GCSAML: variants seen among roughly 807,000 people sequenced by gnomAD.
GCSAML encodes germinal center associated signaling and motility like, also known as germinal center-associated signaling and motility-like protein.
A neutral mutation model predicts 13.0 loss-of-function variants in GCSAML; 9 were observed. That is an observed-to-expected ratio of 0.69 (90% CI 0.42 to 1.21). The LOEUF is 1.21. Among genes scored for constraint, GCSAML ranks in the 50% most tolerant of loss-of-function variants. GCSAML has a pLI of 0.00. For synonymous variants in GCSAML, 37 were observed against 52.9 expected (o/e 0.70, Z 1.31); for missense variants, 143 against 153.4 (o/e 0.93, Z 0.36).
intron 4 of GCSAML, among the ~76,000 whole-genome samples, chr1:247,567,421 T>C (rs1405389651): frequency 6.6e-6 from 1 of 152,134 alleles, no homozygotes; most frequent in Non-Finnish European, 1.5e-5. Flanking sequence ...AGTGGGAACA[T>C]GCAGTGTGTG....
chr1:247,546,948 A>G (rs1166463740), upstream of GCSAML, among the ~76,000 whole-genome samples: 1 of 123,526 alleles, frequency 8.1e-6, no homozygotes, highest in Admixed American at 7.6e-5. Context: ...AAAAAAAAAA[A>G]AAAGATTAGC....
At chr1:247,538,004 AT>A (rs1275286720) in intron 2 of GCSAML, among the ~76,000 whole-genome samples, 5 of 150,472 alleles carry the variant, frequency 3.3e-5, no homozygotes, top group Non-Finnish European at 7.4e-5. Flanking sequence ...ATGAAGACTA[AT>A]TTATCTATTT....
chr1:247,544,378 T>C (rs1667500970), upstream of GCSAML, among the ~76,000 whole-genome samples: 1 of 152,242 alleles, frequency 6.6e-6, no homozygotes, highest in African/African-American at 2.4e-5. Context: ...TCTGTTCATA[T>C]AACAGCTTCT....
intron 2 of GCSAML, chr1:247,532,284 C>T (rs143777369): frequency 6.8e-6 from 11 of 1,614,006 alleles, no homozygotes; most frequent in African/African-American, 1.3e-5. Context: ...GGACAATGCT[C>T]GTGGTGAAGC....
chr1:247,570,806 G>C lies in GCSAML; in HGVS notation c.169-3337G>C, dbSNP rs187050285. Among the ~76,000 whole-genome samples, 220 of 152,130 alleles carry C rather than the reference G, an allele frequency of 1.4e-3. 1 individual carries two copies. Among genetic ancestry groups the C allele is most frequent in the African/African-American group, 5.1e-3 (213 of 41,492 alleles). On this transcript the variant is annotated intron_variant, in intron 4 of 4. Coordinates refer to ENST00000366488, the MANE Select transcript of GCSAML (RefSeq NM_145278.5). ...TTGATCTGTCTAATATTGACAGTGG[G>C]GTGTTAAAATCTCCCACTATTGTTG... is the stretch of plus-strand genomic sequence containing the variant.
intron 2 of GCSAML, among the ~76,000 whole-genome samples, chr1:247,544,039 A>T (rs1667489952): frequency 6.6e-6 from 1 of 152,218 alleles, no homozygotes; most frequent in African/African-American, 2.4e-5. Flanking sequence ...GCACCAGAGC[A>T]TTGAAAAACA....
At chr1:247,545,986 G>A (rs977387937), upstream of GCSAML, among the ~76,000 whole-genome samples, 1 of 151,980 alleles carries the variant, frequency 6.6e-6, no homozygotes, top group Non-Finnish European at 1.5e-5. Context: ...AGAGCTACAA[G>A]GAAACTGTCG....
intron 1 of GCSAML, among the ~76,000 whole-genome samples, chr1:247,554,280 TATTATACATAA>T (rs1347516921): frequency 6.6e-6 from 1 of 152,208 alleles, no homozygotes; most frequent in African/African-American, 2.4e-5. Flanking sequence ...CCATAATGTT[TATTATACATAA>T]TTCTTCATCA....
At position 247,566,029 on chromosome 1, in the gene GCSAML, A is replaced by G. The variant is rs1668341752; in HGVS notation, c.168+70A>G. 5.8e-6 allele frequency: 6 copies of G among 1,043,344 alleles called. No homozygotes were observed. In the East Asian group the frequency reaches 1.6e-4, roughly 28 times the overall value. 64.6% of individuals were successfully genotyped at this position (1,043,344 alleles called of 1,614,324 possible). ...TTATTATGTTTGTCTGATAAATGCCAAAATACAGATGATTTATTCAAGAGT... is the reference window on the plus strand; with the variant it reads ...TTATTATGTTTGTCTGATAAATGCCGAAATACAGATGATTTATTCAAGAGT... On this transcript the variant is annotated intron_variant, in intron 4 of 4. Coordinates refer to ENST00000366488, the MANE Select transcript of GCSAML (RefSeq NM_145278.5).
chr1:247,542,104 T>C (rs1435231670), intron 2 of GCSAML, among the ~76,000 whole-genome samples: 1 of 152,004 alleles, frequency 6.6e-6, no homozygotes, highest in Middle Eastern at 3.2e-3. Context: ...CCGCAACTAA[T>C]TTATTTTAGA....
chr1:247,550,726 A>G (rs1240522736), intron 1 of GCSAML, among the ~76,000 whole-genome samples: 1 of 152,188 alleles, frequency 6.6e-6, no homozygotes, highest in Non-Finnish European at 1.5e-5. Flanking sequence ...TCTGGGCAGT[A>G]GATGGAGGAC....
At chr1:247,522,091 C>T (rs1422139335) in intron 1 of GCSAML, among the ~76,000 whole-genome samples, 3 of 151,124 alleles carry the variant, frequency 2.0e-5, no homozygotes, top group Non-Finnish European at 4.4e-5. Flanking sequence ...AAGTGAGGAG[C>T]CCCTCCGCCT....
At chr1:247,520,004 C>T (rs1045224991) in intron 1 of GCSAML, among the ~76,000 whole-genome samples, 6 of 152,248 alleles carry the variant, frequency 3.9e-5, no homozygotes, top group South Asian at 2.1e-4. Context: ...CATGCATTTT[C>T]ACCTTTTGAC....
At chr1:247,510,213 T>C (rs1665981854) in intron 1 of GCSAML, among the ~76,000 whole-genome samples, 1 of 152,230 alleles carries the variant, frequency 6.6e-6, no homozygotes. Context: ...ATTCAGCTTC[T>C]TCTTGGTTTA....
In GCSAML at chr1:247,567,064, A is replaced by T. The variant is rs187924663; in HGVS notation, c.168+1105A>T. Among the ~76,000 whole-genome samples, 197 of 151,142 alleles carry T rather than the reference A, an allele frequency of 1.3e-3. 2 individuals are homozygous for T. The highest frequency in any genetic ancestry group is 3.6e-3 in the Admixed American group (54 of 15,180). On this transcript the variant is annotated intron_variant, in intron 4 of 4. Transcript: ENST00000366488. ...TTAGTAGAAGCTTGGAGTGCAGTTT[A>T]TGCTGCTATAATGAGGTCTCTAAGA...
In GCSAML at chr1:247,556,390, T is replaced by G; in HGVS notation, c.30-17T>G. 6.3e-7 allele frequency: 1 copy of G among 1,591,318 alleles called. No individual in the cohort carries two copies. Among genetic ancestry groups the G allele is most frequent in the Non-Finnish European group, 8.6e-7 (1 of 1,161,438 alleles). Reference sequence around the variant, plus strand: ...GGCAGTAACAATCTCTCTTTTTTCTTATGTGTTTCCATATAGTTGCCTGGG... The same window carrying G: ...GGCAGTAACAATCTCTCTTTTTTCTGATGTGTTTCCATATAGTTGCCTGGG... On this transcript the variant is annotated splice_polypyrimidine_tract_variant and intron_variant, in intron 1 of 4. Transcript: ENST00000366488.
chr1:247,567,125 G>A (rs1267543513), intron 4 of GCSAML, among the ~76,000 whole-genome samples: 1 of 149,574 alleles, frequency 6.7e-6, no homozygotes, highest in East Asian at 1.9e-4. Flanking sequence ...TTTTTTTCTA[G>A]AAACATTTCT....
intron 4 of GCSAML, among the ~76,000 whole-genome samples, chr1:247,572,864 C>T (rs1032901670): frequency 4.6e-5 from 7 of 152,212 alleles, no homozygotes; most frequent in African/African-American, 1.7e-4. Context: ...CAGAGATGCC[C>T]TGCACAGAGA....
intron 1 of GCSAML, among the ~76,000 whole-genome samples, chr1:247,510,940 G>A (rs1666015957): frequency 6.6e-6 from 1 of 152,192 alleles, no homozygotes; most frequent in Non-Finnish European, 1.5e-5. Flanking sequence ...TTTAGAATAA[G>A]TGCTATGTGG....
Sources: gnomAD v4.1 joint callset for allele counts (sites outside exome capture counted in the v4.1 genomes callset) on GRCh38, gnomAD v4.1.1 for gene constraint, MANE v1.5 for transcripts, NCBI Gene and HGNC (gene_info 2026-07-23, HGNC 2026-07-21) for gene names.